The following NELL1 variants were observed in gnomAD, a reference collection of about 807,000 sequenced individuals.
NELL1 encodes protein kinase C-binding protein NELL1.
A neutral mutation model predicts 107.4 loss-of-function variants in NELL1; 76 were observed. The ratio of observed to expected loss-of-function variants is 0.71; its 90% CI spans 0.59 to 0.86. The LOEUF (loss-of-function observed/expected upper bound fraction) is 0.86, where lower values mean the gene tolerates loss of function less well. Ranked by LOEUF, NELL1 falls within the 40% of genes least tolerant of loss-of-function variation. The pLI is 0.00. For synonymous variants in NELL1, 353 were observed against 341.2 expected, an observed-to-expected ratio of 1.03 and a Z score of -0.38; for missense variants, 1,024 against 1,005.5, an observed-to-expected ratio of 1.02 and a Z score of -0.25.
chr11:20,799,219 T>G (rs985420917), intron 3 of NELL1, among the ~76,000 whole-genome samples: 1 of 152,212 alleles, frequency 6.6e-6, no homozygotes, highest in Admixed American at 6.5e-5. Context: ...GACCAAGAGC[T>G]AGTGCATTTA....
intron 15 of NELL1, among the ~76,000 whole-genome samples, chr11:21,482,410 A>G (rs1854515485): frequency 1.3e-5 from 2 of 152,224 alleles, no homozygotes; most frequent in Admixed American, 6.5e-5. Context: ...GGCTGTTAGC[A>G]TGCCATACCT....
chr11:21,129,138 C>T (rs1051927222), intron 13 of NELL1, among the ~76,000 whole-genome samples: 2 of 151,770 alleles, frequency 1.3e-5, no homozygotes, highest in African/African-American at 4.8e-5. Flanking sequence ...TTTTCTTTAC[C>T]GTTTACATTT....
At chr11:21,099,983 G>C (rs1439771195) in intron 12 of NELL1, among the ~76,000 whole-genome samples, 3 of 151,684 alleles carry the variant, frequency 2.0e-5, no homozygotes, top group African/African-American at 7.3e-5. Context: ...TACAAATTGT[G>C]CTAAAATGTA....
At chr11:21,163,539 T>TA (rs1856418167) in intron 13 of NELL1, among the ~76,000 whole-genome samples, 1 of 152,174 alleles carries the variant, frequency 6.6e-6, no homozygotes, top group South Asian at 2.1e-4. Flanking sequence ...TATTTGGAGA[T>TA]ACAGTATTTA....
At chr11:20,817,770 T>C (rs2134020693) in intron 3 of NELL1, among the ~76,000 whole-genome samples, 1 of 152,124 alleles carries the variant, frequency 6.6e-6, no homozygotes, top group Admixed American at 6.6e-5. Context: ...GTGTAGACAT[T>C]TCCTCTTTAT....
At chr11:20,938,529 A>T (rs1423593613) in intron 10 of NELL1, among the ~76,000 whole-genome samples, 2 of 152,082 alleles carry the variant, frequency 1.3e-5, no homozygotes, top group African/African-American at 4.8e-5. Flanking sequence ...GAGAGGTCTG[A>T]GTTGGGGATG....
chr11:20,704,768 T>G (rs986316268), intron 2 of NELL1, among the ~76,000 whole-genome samples: 3 of 152,184 alleles, frequency 2.0e-5, no homozygotes, highest in African/African-American at 7.2e-5. Flanking sequence ...TTACGAAGCT[T>G]AGTTTGGCTG....
intron 15 of NELL1, among the ~76,000 whole-genome samples, chr11:21,465,445 G>T (rs1854004233): frequency 6.6e-6 from 1 of 151,930 alleles, no homozygotes; most frequent in Admixed American, 6.6e-5. Context: ...CCCCTAATTT[G>T]GTGTGAAGTT....
At position 20,795,276 on chromosome 11, in the gene NELL1, C is replaced by T. The variant is rs949671947; in HGVS notation, c.335+11446C>T. Among the ~76,000 whole-genome samples, 7 of 152,010 alleles carry T rather than the reference C, an allele frequency of 4.6e-5. No individual in the cohort carries two copies. The South Asian group carries it at 1.0e-3, about 23-fold the overall frequency. Reference sequence around the variant, plus strand: ...GGATATCTTAAGTGGGCAGATAAAACGAAACAGAAAACTGAAATATAAAGA... The same window carrying T: ...GGATATCTTAAGTGGGCAGATAAAATGAAACAGAAAACTGAAATATAAAGA... On this transcript the variant is annotated intron_variant, in intron 3 of 19. Coordinates refer to ENST00000357134, the MANE Select transcript of NELL1 (RefSeq NM_006157.5).
chr11:21,160,416 A>G (rs2133798908), intron 13 of NELL1, among the ~76,000 whole-genome samples: 1 of 152,320 alleles, frequency 6.6e-6, no homozygotes, highest in South Asian at 2.1e-4. Flanking sequence ...TATTCAGAAT[A>G]GAAAGGAGTT....
At chr11:21,278,087 C>T (rs1306658038) in intron 14 of NELL1, among the ~76,000 whole-genome samples, 3 of 151,890 alleles carry the variant, frequency 2.0e-5, no homozygotes, top group Non-Finnish European at 4.4e-5. Context: ...CAAAATCCAA[C>T]ACCTATCATT....
chr11:21,561,853 A>T (rs1856857593), intron 17 of NELL1, among the ~76,000 whole-genome samples: 1 of 152,008 alleles, frequency 6.6e-6, no homozygotes, highest in South Asian at 2.1e-4. Flanking sequence ...CATGGTGCTG[A>T]CTCAAAGGGC....
At chr11:20,714,149 C>T (rs1426945665) in intron 2 of NELL1, among the ~76,000 whole-genome samples, 4 of 147,344 alleles carry the variant, frequency 2.7e-5, no homozygotes, top group Non-Finnish European at 4.5e-5. Flanking sequence ...TTCTGTCATT[C>T]GAAGTGGGAG....
chr11:21,524,116 T>A (rs1047355178), intron 15 of NELL1, among the ~76,000 whole-genome samples: 1 of 152,148 alleles, frequency 6.6e-6, no homozygotes, highest in African/African-American at 2.4e-5. Flanking sequence ...TACAAGAGGC[T>A]GTATAGTATA....
intron 15 of NELL1, among the ~76,000 whole-genome samples, chr11:21,511,598 A>T (rs1855437768): frequency 6.6e-6 from 1 of 152,244 alleles, no homozygotes; most frequent in Non-Finnish European, 1.5e-5. Context: ...GGCTGAAAAG[A>T]TAAAGCTACT....
intron 12 of NELL1, among the ~76,000 whole-genome samples, chr11:21,088,178 T>G (rs1193913464): frequency 6.6e-6 from 1 of 151,898 alleles, no homozygotes; most frequent in Non-Finnish European, 1.5e-5. Flanking sequence ...CATAGGAGTT[T>G]ATAGATGACC....
chr11:21,026,027 G>A (rs955119273), intron 12 of NELL1, among the ~76,000 whole-genome samples: 32 of 151,998 alleles, frequency 2.1e-4, no homozygotes, highest in African/African-American at 6.5e-4. Context: ...TCACATCTTC[G>A]CATTTTTATT....
intron 2 of NELL1, among the ~76,000 whole-genome samples, chr11:20,782,186 T>C (rs972675534): frequency 5.9e-5 from 9 of 152,196 alleles, no homozygotes; most frequent in Admixed American, 5.2e-4. Flanking sequence ...GTAGAAGGCA[T>C]AGAAGCATTT....
At chr11:20,823,954 T>C (rs945256488) in intron 3 of NELL1, among the ~76,000 whole-genome samples, 27 of 151,284 alleles carry the variant, frequency 1.8e-4, no homozygotes, top group Admixed American at 4.6e-4. Flanking sequence ...TAATACTCTT[T>C]CATGCAGCAG....
Sources: allele counts gnomAD v4.1 joint callset (sites outside exome capture counted in the v4.1 genomes callset), GRCh38; gene constraint gnomAD v4.1.1; transcripts MANE v1.5; gene names NCBI Gene and HGNC (gene_info 2026-07-23, HGNC 2026-07-21).